The following SLC35F3 variants were observed in gnomAD, a reference collection of about 807,000 sequenced individuals.
SLC35F3 encodes the protein solute carrier family 35 member F3, also known as putative thiamine transporter SLC35F3.
A neutral mutation model predicts 49.9 loss-of-function variants in SLC35F3; 25 were observed. That is an observed-to-expected ratio of 0.50 (90% CI 0.37 to 0.70). The LOEUF (loss-of-function observed/expected upper bound fraction) is 0.70, where lower values mean the gene tolerates loss of function less well. SLC35F3 is among the 30% of genes least tolerant of loss of function. SLC35F3 has a pLI of 0.00. For missense variants in SLC35F3, 525 were observed against 639.8 expected, an observed-to-expected ratio of 0.82 and a Z score of 1.94; for synonymous variants, 275 against 265.4, an observed-to-expected ratio of 1.04 and a Z score of -0.35.
At chr1:234,005,601 G>C (rs1663617248) in intron 2 of SLC35F3, among the ~76,000 whole-genome samples, 1 of 152,202 alleles carries the variant, frequency 6.6e-6, no homozygotes, top group South Asian at 2.1e-4. Context: ...TGGGATTTCT[G>C]TGGGGGATGA....
At chr1:234,253,454 AT>A (rs959689818) in intron 3 of SLC35F3, among the ~76,000 whole-genome samples, 1 of 15,202 alleles carries the variant, frequency 6.6e-5, no homozygotes, top group Non-Finnish European at 1.2e-4. Context: ...AACCATTTGA[AT>A]TTAAAAAAAA....
intron 3 of SLC35F3, among the ~76,000 whole-genome samples, chr1:234,256,063 T>C (rs1162171922): frequency 6.6e-6 from 1 of 152,194 alleles, no homozygotes; most frequent in Non-Finnish European, 1.5e-5. Context: ...CCCTCTAGTT[T>C]CTGCTCATTT....
chr1:234,107,002 G>A lies in SLC35F3; in HGVS notation c.284-124415G>A, dbSNP rs376583835. On this transcript the variant is annotated intron_variant, in intron 2 of 7. Coordinates refer to ENST00000366618, the MANE Select transcript of SLC35F3 (RefSeq NM_173508.4). ...CCATTGGCAATATTAACACAATAATGTTATGTAACAACCAAACTCAAAATC... is the reference window on the plus strand; with the variant it reads ...CCATTGGCAATATTAACACAATAATATTATGTAACAACCAAACTCAAAATC... Among the ~76,000 whole-genome samples the A allele has an allele frequency of 3.3e-5, 5 of 152,292 alleles. No homozygotes were observed. The South Asian group carries it at 1.0e-3, about 32-fold the overall frequency.
intron 2 of SLC35F3, among the ~76,000 whole-genome samples, chr1:233,926,769 G>A (rs761448042): frequency 6.6e-6 from 1 of 152,162 alleles, no homozygotes; most frequent in Non-Finnish European, 1.5e-5. Context: ...CATCTTTGTG[G>A]TTTTATCTAC....
intron 2 of SLC35F3, among the ~76,000 whole-genome samples, chr1:234,037,654 C>A (rs765136516): frequency 6.6e-6 from 1 of 152,200 alleles, no homozygotes; most frequent in East Asian, 1.9e-4. Flanking sequence ...GGTAGCCATG[C>A]GAGAGCATGC....
At chr1:234,110,489 C>T (rs1357823400) in intron 2 of SLC35F3, among the ~76,000 whole-genome samples, 1 of 152,176 alleles carries the variant, frequency 6.6e-6, no homozygotes, top group Non-Finnish European at 1.5e-5. Context: ...GTGTCTTATA[C>T]ACAGTAGGTG....
intron 2 of SLC35F3, among the ~76,000 whole-genome samples, chr1:234,156,520 CG>C (rs1666155340): frequency 2.0e-5 from 3 of 152,076 alleles, no homozygotes; most frequent in Admixed American, 2.0e-4. Flanking sequence ...AAACGGAAAA[CG>C]GTAAAGACAC....
At chr1:234,186,360 C>T (rs1466796173) in intron 2 of SLC35F3, among the ~76,000 whole-genome samples, 1 of 152,202 alleles carries the variant, frequency 6.6e-6, no homozygotes, top group African/African-American at 2.4e-5. Context: ...TTTTTTAAGG[C>T]ATGGCCAGCA....
At chr1:234,122,964 A>C (rs946313103) in intron 2 of SLC35F3, among the ~76,000 whole-genome samples, 4 of 152,208 alleles carry the variant, frequency 2.6e-5, no homozygotes, top group Non-Finnish European at 5.9e-5. Flanking sequence ...AATGATTTAT[A>C]ATCCTTTGGG....
intron 3 of SLC35F3, among the ~76,000 whole-genome samples, chr1:234,263,685 G>A (rs1365843467): frequency 6.6e-5 from 10 of 152,162 alleles, no homozygotes; most frequent in Admixed American, 6.5e-4. Flanking sequence ...AACCACTGGG[G>A]CAGGGTGACA....
intron 2 of SLC35F3, among the ~76,000 whole-genome samples, chr1:234,165,170 T>C (rs1666295839): frequency 1.3e-5 from 2 of 152,234 alleles, no homozygotes; most frequent in South Asian, 4.2e-4. Context: ...TAGCATTGAA[T>C]ATAGTTACGG....
At chr1:233,960,205 C>T (rs751024864) in intron 2 of SLC35F3, among the ~76,000 whole-genome samples, 25 of 152,268 alleles carry the variant, frequency 1.6e-4, no homozygotes, top group East Asian at 9.7e-4. Context: ...ACATGCCATC[C>T]GTTCTCCTTC....
At chr1:233,995,061 C>T (rs538933573) in intron 2 of SLC35F3, among the ~76,000 whole-genome samples, 1 of 152,304 alleles carries the variant, frequency 6.6e-6, no homozygotes, top group South Asian at 2.1e-4. Flanking sequence ...GAGGATTAGA[C>T]ATGCTACCAT....
At chr1:234,305,469 G>A (rs1023833669) in intron 3 of SLC35F3, among the ~76,000 whole-genome samples, 2 of 147,968 alleles carry the variant, frequency 1.4e-5, no homozygotes, top group African/African-American at 2.5e-5. Flanking sequence ...TGCAACCTCC[G>A]CCTTCCAGGT....
intron 2 of SLC35F3, among the ~76,000 whole-genome samples, chr1:234,088,212 CAG>C (rs1485376753): frequency 2.0e-5 from 3 of 152,182 alleles, no homozygotes; most frequent in Non-Finnish European, 4.4e-5. Context: ...TGTTTTGATA[CAG>C]AGTCTTGCTC....
At chr1:234,013,972 A>G (rs1663764667) in intron 2 of SLC35F3, among the ~76,000 whole-genome samples, 1 of 152,210 alleles carries the variant, frequency 6.6e-6, no homozygotes, top group Non-Finnish European at 1.5e-5. Context: ...TACATCTGAT[A>G]AGAGGTGAAC....
chr1:234,116,417 A>G (rs911165046), intron 2 of SLC35F3, among the ~76,000 whole-genome samples: 4 of 152,200 alleles, frequency 2.6e-5, no homozygotes, highest in Non-Finnish European at 4.4e-5. Flanking sequence ...CCACAGGGCT[A>G]TGTTATTATC....
intron 3 of SLC35F3, among the ~76,000 whole-genome samples, chr1:234,251,002 C>G (rs1667730226): frequency 6.6e-6 from 1 of 152,098 alleles, no homozygotes; most frequent in African/African-American, 2.4e-5. Context: ...AGGGGCCAAA[C>G]AAATGAAACC....
At chr1:234,068,826 TATA>T (rs1558220346) in intron 2 of SLC35F3, among the ~76,000 whole-genome samples, 3 of 41,512 alleles carry the variant, frequency 7.2e-5, no homozygotes, top group African/African-American at 2.3e-4. Context: ...TGAGACATTA[TATA>T]TATATATATA....
Sources: gnomAD v4.1 joint callset for allele counts (sites outside exome capture counted in the v4.1 genomes callset) on GRCh38, gnomAD v4.1.1 for gene constraint, MANE v1.5 for transcripts, NCBI Gene and HGNC (gene_info 2026-07-23, HGNC 2026-07-21) for gene names.